The following ULK4 variants were observed in gnomAD, a reference collection of about 807,000 sequenced individuals.
ULK4 encodes unc-51 like kinase 4, also known as inactive serine/threonine-protein kinase ULK4.
In ULK4, 133 loss-of-function variants were observed where a neutral mutation model predicts 160.6. The observed-to-expected ratio is 0.83, with a 90% CI of 0.72 to 0.96. The LOEUF is 0.96. ULK4 is among the 40% of genes least tolerant of loss of function. The pLI, the probability that ULK4 is intolerant of heterozygous loss-of-function variation, is 0.00. For missense variants in ULK4, 1,580 were observed against 1,499.5 expected (o/e 1.05, Z -0.89); for synonymous variants, 534 against 539.8 (o/e 0.99, Z 0.15).
intron 22 of ULK4, among the ~76,000 whole-genome samples, chr3:41,728,842 C>T (rs1023464967): frequency 5.9e-5 from 9 of 152,116 alleles, no homozygotes; most frequent in Non-Finnish European, 1.2e-4. Context: ...TATATATCTC[C>T]ACAACATATA....
At chr3:41,560,003 C>T (rs1483148255) in intron 32 of ULK4, among the ~76,000 whole-genome samples, 1 of 152,108 alleles carries the variant, frequency 6.6e-6, no homozygotes, top group African/African-American at 2.4e-5. Flanking sequence ...GGTTTTAAGT[C>T]TAACATTTAA....
Position 41,676,592 on chromosome 3 carries a change from G to GT in ULK4, c.2978+4915dup, listed in dbSNP as rs540372262. 8.9e-4 allele frequency among the ~76,000 whole-genome samples: 131 copies of GT among 147,754 alleles called. 1 individual carries two copies. In the South Asian group the frequency reaches 0.021, roughly 24 times the overall value. On this transcript the variant is annotated intron_variant, in intron 29 of 36. Coordinates refer to ENST00000301831, the MANE Select transcript of ULK4 (RefSeq NM_017886.4). ...CATACATGACTTACAAACTTCTTCA[G>GT]TTAAAAAAAAAAAATTCTGAAATTC...
intron 17 of ULK4, among the ~76,000 whole-genome samples, chr3:41,874,175 T>C (rs1191679074): frequency 3.3e-5 from 5 of 152,154 alleles, no homozygotes; most frequent in Admixed American, 6.6e-5. Context: ...GTAGTTGTTC[T>C]AGTAATGAAA....
At chr3:41,409,153 G>A (rs2082359137) in intron 34 of ULK4, among the ~76,000 whole-genome samples, 1 of 152,126 alleles carries the variant, frequency 6.6e-6, no homozygotes, top group African/African-American at 2.4e-5. Context: ...CTACTCAGGA[G>A]GCTGACGTGA....
intron 17 of ULK4, among the ~76,000 whole-genome samples, chr3:41,863,011 G>A (rs2042539367): frequency 6.6e-6 from 1 of 151,330 alleles, no homozygotes; most frequent in Non-Finnish European, 1.5e-5. Flanking sequence ...AGGTGGCAAA[G>A]CCAGCCAGGC....
intron 22 of ULK4, among the ~76,000 whole-genome samples, chr3:41,749,991 G>A (rs1333628159): frequency 6.6e-6 from 1 of 152,190 alleles, no homozygotes; most frequent in Non-Finnish European, 1.5e-5. Flanking sequence ...CAGCAAGAAA[G>A]TGAGGATGTC....
chr3:41,685,637 T>C (rs1036006313), intron 27 of ULK4, among the ~76,000 whole-genome samples: 1 of 152,184 alleles, frequency 6.6e-6, no homozygotes, highest in Non-Finnish European at 1.5e-5. Context: ...CAAGATAACA[T>C]CGCAACCAGT....
At position 41,345,741 on chromosome 3, in the gene ULK4, G is replaced by A. The variant is rs151273011; in HGVS notation, c.3678+52338C>T. On this transcript the variant is annotated intron_variant, in intron 35 of 36. Transcript: ENST00000301831. The stretch of plus-strand genomic sequence containing the variant: ...ACCACTATGGCACACATTTACCTAT[G>A]TAAAAAACCTGCACATCCTGCACAT... 3.8e-3 allele frequency among the ~76,000 whole-genome samples: 578 copies of A among 152,220 alleles called. 4 individuals are homozygous for A. Among genetic ancestry groups the A allele is most frequent in the African/African-American group, 0.013 (543 of 41,502 alleles).
At chr3:41,686,409 G>C (rs998635752) in intron 27 of ULK4, among the ~76,000 whole-genome samples, 1 of 152,148 alleles carries the variant, frequency 6.6e-6, no homozygotes, top group African/African-American at 2.4e-5. Context: ...TTAATCACCA[G>C]AAACAAATAG....
At chr3:41,262,854 G>C (rs1456802071) in intron 35 of ULK4, among the ~76,000 whole-genome samples, 1 of 152,138 alleles carries the variant, frequency 6.6e-6, no homozygotes, top group Non-Finnish European at 1.5e-5. Context: ...TAGCTGCTTT[G>C]GGAAGTCTTT....
chr3:41,367,368 C>A (rs1475689908), intron 35 of ULK4, among the ~76,000 whole-genome samples: 1 of 152,172 alleles, frequency 6.6e-6, no homozygotes, highest in Non-Finnish European at 1.5e-5. Context: ...GATATCAATT[C>A]AGAGGAGGAA....
intron 22 of ULK4, among the ~76,000 whole-genome samples, chr3:41,746,842 C>G (rs1444226824): frequency 1.3e-5 from 2 of 151,820 alleles, no homozygotes; most frequent in African/African-American, 2.4e-5. Context: ...AGAAGCAACC[C>G]CAACACAAAT....
intron 34 of ULK4, among the ~76,000 whole-genome samples, chr3:41,404,226 ATTTTTTTT>A (rs60508995): frequency 7.6e-6 from 1 of 131,864 alleles, no homozygotes; most frequent in East Asian, 2.2e-4. Flanking sequence ...TAGCTCTATC[ATTTTTTTT>A]TTTTTTTTTG....
At chr3:41,934,973 T>C (rs1699712880) in intron 4 of ULK4, among the ~76,000 whole-genome samples, 1 of 151,654 alleles carries the variant, frequency 6.6e-6, no homozygotes, top group South Asian at 2.1e-4. Context: ...AAAAGCAACT[T>C]AGGCAGCTAA....
intron 35 of ULK4, among the ~76,000 whole-genome samples, chr3:41,350,177 T>G (rs1386597): frequency 0.049 from 7,431 of 152,270 alleles, 428 homozygotes; most frequent in East Asian, 0.2. Context: ...AAAAATAGTC[T>G]TATAAAATCC....
intron 30 of ULK4, among the ~76,000 whole-genome samples, chr3:41,660,292 G>T (rs555756888): frequency 6.7e-6 from 1 of 148,236 alleles, no homozygotes; most frequent in East Asian, 1.9e-4. Flanking sequence ...GTGAAACTCC[G>T]TCTCAAAAAA....
chr3:41,549,716 A>C (rs902358924), intron 32 of ULK4, among the ~76,000 whole-genome samples: 2 of 152,096 alleles, frequency 1.3e-5, no homozygotes, highest in Non-Finnish European at 2.9e-5. Context: ...GATACAACCC[A>C]AAAAGGTCTT....
chr3:41,250,240 A>G (rs2078720451), intron 35 of ULK4, among the ~76,000 whole-genome samples: 1 of 152,204 alleles, frequency 6.6e-6, no homozygotes, highest in Non-Finnish European at 1.5e-5. Context: ...GACCCTCCAT[A>G]AAATGAGTCC....
At chr3:41,752,435 A>G (rs1273566281) in intron 22 of ULK4, among the ~76,000 whole-genome samples, 1 of 152,202 alleles carries the variant, frequency 6.6e-6, no homozygotes, top group East Asian at 1.9e-4. Context: ...AAAATAGCCA[A>G]AATACATGAA....
Sources: gnomAD v4.1 joint callset for allele counts (sites outside exome capture counted in the v4.1 genomes callset) on GRCh38, gnomAD v4.1.1 for gene constraint, MANE v1.5 for transcripts, NCBI Gene and HGNC (gene_info 2026-07-23, HGNC 2026-07-21) for gene names.